PTPRD: variants seen among roughly 807,000 people sequenced by gnomAD.
PTPRD encodes the protein receptor-type tyrosine-protein phosphatase delta.
In PTPRD, 34 loss-of-function variants were observed where a neutral mutation model predicts 214.5. The ratio of observed to expected loss-of-function variants is 0.16; its 90% CI spans 0.12 to 0.21. PTPRD has a LOEUF of 0.21. Ranked by LOEUF, PTPRD falls within the 10% of genes least tolerant of loss-of-function variation. PTPRD has a pLI of 1.00. For missense variants in PTPRD, 2,545 were observed against 2,398.7 expected (o/e 1.06, Z -1.27); for synonymous variants, 1,128 against 845.7 (o/e 1.33, Z -5.79).
At chr9:9,190,827 A>G (rs536304755) in intron 9 of PTPRD, among the ~76,000 whole-genome samples, 131 of 152,196 alleles carry the variant, frequency 8.6e-4, no homozygotes, top group African/African-American at 3.0e-3. Context: ...AAGATTTTAG[A>G]GTTACTACTG....
At chr9:8,891,129 T>A (rs1161244384) in intron 11 of PTPRD, among the ~76,000 whole-genome samples, 2 of 139,440 alleles carry the variant, frequency 1.4e-5, no homozygotes, top group Admixed American at 1.4e-4. Flanking sequence ...GTGCTTTGAA[T>A]TAATCTAATT....
chr9:10,455,375 T>A (rs1273670873), intron 2 of PTPRD, among the ~76,000 whole-genome samples: 2 of 151,822 alleles, frequency 1.3e-5, no homozygotes, highest in Non-Finnish European at 3.0e-5. Context: ...TTAACTTTAC[T>A]GTCCTCTACT....
rs139604322 is a variant in PTPRD, at chr9:8,538,303, T to C, written c.353-9524A>G. ...AATGAATTTTATTATTTTTAGAAAA[T>C]AATTTTTTATTCTTGTTTTTTAGAA... On this transcript the variant is annotated intron_variant, in intron 14 of 45. Coordinates refer to ENST00000381196, the MANE Select transcript of PTPRD (RefSeq NM_002839.4). Among the ~76,000 whole-genome samples, 142 of 152,036 alleles carry C rather than the reference T, an allele frequency of 9.3e-4. No individual in the cohort carries two copies. In the East Asian group the frequency reaches 0.025, roughly 27 times the overall value.
intron 7 of PTPRD, among the ~76,000 whole-genome samples, chr9:9,733,532 G>A (rs1258774875): frequency 6.6e-6 from 1 of 152,132 alleles, no homozygotes; most frequent in Non-Finnish European, 1.5e-5. Context: ...ATAACATATT[G>A]AGAAATCCTG....
chr9:9,225,808 GA>G (rs2133589173), intron 9 of PTPRD, among the ~76,000 whole-genome samples: 2 of 152,156 alleles, frequency 1.3e-5, no homozygotes, highest in East Asian at 3.9e-4. Flanking sequence ...GAAGGGGAAA[GA>G]ACTAGACAGT....
At chr9:8,931,201 C>G (rs1054085967) in intron 11 of PTPRD, among the ~76,000 whole-genome samples, 10 of 151,810 alleles carry the variant, frequency 6.6e-5, no homozygotes, top group Non-Finnish European at 1.5e-4. Context: ...TTTCCCAGCA[C>G]CATTTGTTAA....
intron 10 of PTPRD, among the ~76,000 whole-genome samples, chr9:9,095,484 G>A (rs1308178822): frequency 6.6e-6 from 1 of 152,142 alleles, no homozygotes; most frequent in Non-Finnish European, 1.5e-5. Context: ...CAACACATTT[G>A]TAGTATATTA....
At chr9:9,642,802 T>C (rs560138278) in intron 7 of PTPRD, among the ~76,000 whole-genome samples, 3 of 152,232 alleles carry the variant, frequency 2.0e-5, no homozygotes, top group South Asian at 4.1e-4. Context: ...GCAAAACAGG[T>C]ATTATTATTT....
intron 3 of PTPRD, among the ~76,000 whole-genome samples, chr9:10,237,346 C>A (rs1247621023): frequency 1.3e-5 from 2 of 151,832 alleles, no homozygotes; most frequent in East Asian, 3.9e-4. Context: ...CATTGTTATG[C>A]TGAATTAATA....
chr9:8,667,732 C>A (rs1387816375), intron 12 of PTPRD, among the ~76,000 whole-genome samples: 1 of 151,918 alleles, frequency 6.6e-6, no homozygotes, highest in African/African-American at 2.4e-5. Flanking sequence ...CAAGATATCT[C>A]ATTATGTATA....
intron 32 of PTPRD, 138 bp from the exon 33 acceptor site, chr9:8,460,709 G>A: frequency 1.3e-6 from 1 of 778,108 alleles, no homozygotes; most frequent in East Asian, 2.8e-5. Flanking sequence ...CAAAACAGAG[G>A]GGAGGGGAGA....
chr9:10,507,048 C>T (rs1349517975), intron 2 of PTPRD, among the ~76,000 whole-genome samples: 1 of 151,992 alleles, frequency 6.6e-6, no homozygotes, highest in Non-Finnish European at 1.5e-5. Flanking sequence ...CCTGTTTTTG[C>T]CCATTCAGTA....
chr9:9,493,352 T>C (rs1450764369), intron 8 of PTPRD, among the ~76,000 whole-genome samples: 1 of 152,188 alleles, frequency 6.6e-6, no homozygotes, highest in Non-Finnish European at 1.5e-5. Context: ...ATTCTGTTAA[T>C]TCACCAGGAA....
At chr9:9,982,861 C>T (rs1713140300) in intron 4 of PTPRD, among the ~76,000 whole-genome samples, 1 of 152,158 alleles carries the variant, frequency 6.6e-6, no homozygotes, top group Non-Finnish European at 1.5e-5. Context: ...AGCTTCCTCA[C>T]AAATCAAGCC....
chr9:8,469,933 A>G (rs1250072603), intron 31 of PTPRD, among the ~76,000 whole-genome samples: 1 of 152,132 alleles, frequency 6.6e-6, no homozygotes, highest in Non-Finnish European at 1.5e-5. Flanking sequence ...TCCTTTGTGC[A>G]GACATAGATA....
chr9:9,426,289 C>A (rs2080887710), intron 8 of PTPRD, among the ~76,000 whole-genome samples: 1 of 152,178 alleles, frequency 6.6e-6, no homozygotes, highest in South Asian at 2.1e-4. Flanking sequence ...GGGTCCCACG[C>A]CCATGGAGCC....
At chr9:10,482,567 G>A (rs1045369210) in intron 2 of PTPRD, among the ~76,000 whole-genome samples, 3 of 151,752 alleles carry the variant, frequency 2.0e-5, no homozygotes, top group Admixed American at 1.3e-4. Flanking sequence ...AATCTCTTTG[G>A]AGAAGACCCC....
rs181149196 is a variant in PTPRD, at chr9:9,274,904, C to T, written c.-202-91541G>A. ...TCGTAAATAATTTGGGAAATAGTCA[C>T]CATTACATATCTTTCTTAGAGATTC... On this transcript the variant is annotated intron_variant, in intron 9 of 45. Transcript: ENST00000381196. Among the ~76,000 whole-genome samples, 207 of 147,450 alleles carry T rather than the reference C, an allele frequency of 1.4e-3. 1 individual carries two copies. The highest frequency in any genetic ancestry group is 5.1e-3 in the African/African-American group (204 of 40,092).
intron 7 of PTPRD, among the ~76,000 whole-genome samples, chr9:9,670,866 C>T (rs914100275): frequency 4.6e-5 from 7 of 152,116 alleles, no homozygotes; most frequent in African/African-American, 1.7e-4. Context: ...GTTGCAGGGG[C>T]AGTGCACTCA....
Sources: gnomAD v4.1 joint callset for allele counts (sites outside exome capture counted in the v4.1 genomes callset) on GRCh38, gnomAD v4.1.1 for gene constraint, MANE v1.5 for transcripts, NCBI Gene and HGNC (gene_info 2026-07-23, HGNC 2026-07-21) for gene names.